Variants in TPD52L1 observed in about 807,000 individuals in gnomAD.
TPD52L1 encodes the protein tumor protein D53.
Under a neutral mutation model 28.7 loss-of-function variants are expected in TPD52L1, and 18 were observed. The ratio of observed to expected loss-of-function variants is 0.63; its 90% CI spans 0.43 to 0.93. The LOEUF (loss-of-function observed/expected upper bound fraction) is 0.93. Among genes scored for constraint, TPD52L1 ranks in the 40% least tolerant of loss-of-function variants. The pLI is 0.00. For synonymous variants in TPD52L1, 75 were observed against 88.8 expected (o/e 0.84, Z 0.88); for missense variants, 203 against 254.8 (o/e 0.80, Z 1.39).
intron 4 of TPD52L1, chr6:125,248,618 A>G (rs2115036972): frequency 4.1e-6 from 2 of 482,544 alleles, no homozygotes; most frequent in East Asian, 6.6e-5. Context: ...CTAGGACCCG[A>G]CCTGGTAAAA....
At chr6:125,249,523 T>A (rs971840776) in intron 4 of TPD52L1, among the ~76,000 whole-genome samples, 8 of 150,724 alleles carry the variant, frequency 5.3e-5, no homozygotes, top group African/African-American at 7.3e-5. Flanking sequence ...CATTAAAAAA[T>A]ATATATATAT....
At chr6:125,257,256 C>A in intron 6 of TPD52L1, 98 bp downstream of exon 6, 2 of 974,496 alleles carry the variant, frequency 2.1e-6, no homozygotes, top group Non-Finnish European at 3.2e-6. Context: ...GCCAAGAAGG[C>A]AGGCTTGCAT....
chr6:125,244,444 C>T (rs949468059), intron 3 of TPD52L1, among the ~76,000 whole-genome samples: 5 of 152,168 alleles, frequency 3.3e-5, no homozygotes, highest in African/African-American at 1.2e-4. Flanking sequence ...TGGGAGCTAC[C>T]TCAGCTCTCC....
chr6:125,234,573 A>C (rs1356076645), intron 3 of TPD52L1, among the ~76,000 whole-genome samples: 1 of 152,220 alleles, frequency 6.6e-6, no homozygotes, highest in Non-Finnish European at 1.5e-5. Flanking sequence ...TATGTAAGTC[A>C]GCAATGGTGA....
chr6:125,163,547 A>C (rs1582832928), intron 1 of TPD52L1, among the ~76,000 whole-genome samples: 1 of 150,978 alleles, frequency 6.6e-6, no homozygotes, highest in African/African-American at 2.4e-5. Context: ...GCATCATTGC[A>C]CTCTAGCCTG....
intron 5 of TPD52L1, 51 bp downstream of exon 5, chr6:125,253,806 G>A (rs533174711): frequency 6.6e-7 from 1 of 1,509,528 alleles, no homozygotes; most frequent in East Asian, 2.3e-5. Context: ...TGTGTTTAAG[G>A]TGTTATTTTA....
chr6:125,216,400 A>C (rs890438208), intron 1 of TPD52L1, among the ~76,000 whole-genome samples: 2 of 151,924 alleles, frequency 1.3e-5, no homozygotes, highest in African/African-American at 2.4e-5. Context: ...AATCATCCAT[A>C]AGACAAAATA....
intron 1 of TPD52L1, among the ~76,000 whole-genome samples, chr6:125,206,090 A>G (rs904849569): frequency 1.3e-5 from 2 of 152,248 alleles, no homozygotes; most frequent in Non-Finnish European, 2.9e-5. Flanking sequence ...TGATTAGTAC[A>G]TTCTCAGGCT....
chr6:125,251,140 A>T (rs1797241196), intron 4 of TPD52L1, among the ~76,000 whole-genome samples: 1 of 152,216 alleles, frequency 6.6e-6, no homozygotes, highest in East Asian at 1.9e-4. Flanking sequence ...ATGGGAAAAA[A>T]TAGTAAGCTT....
At chr6:125,162,941 C>T (rs570769833) in intron 1 of TPD52L1, among the ~76,000 whole-genome samples, 12 of 152,234 alleles carry the variant, frequency 7.9e-5, no homozygotes, top group Non-Finnish European at 1.2e-4. Context: ...CAGGGAACTA[C>T]GAGTCAGAAA....
intron 1 of TPD52L1, among the ~76,000 whole-genome samples, chr6:125,183,946 T>G (rs2114830878): frequency 6.6e-6 from 1 of 152,288 alleles, no homozygotes; most frequent in African/African-American, 2.4e-5. Flanking sequence ...ATTAAATTAT[T>G]ATTGTCTCAG....
chr6:125,178,648 AACAAAAC>A (rs1413391420), intron 1 of TPD52L1, among the ~76,000 whole-genome samples: 95 of 145,594 alleles, frequency 6.5e-4, no homozygotes, highest in African/African-American at 2.4e-3. Context: ...AACAAAACAA[AACAAAAC>A]AAAATATATA....
intron 3 of TPD52L1, among the ~76,000 whole-genome samples, chr6:125,243,825 CA>C (rs146423839): frequency 0.07 from 10,680 of 152,154 alleles, 403 homozygotes; most frequent in Middle Eastern, 0.1. Flanking sequence ...GGTTTGGATC[CA>C]TTCCTAGGGA....
At position 125,153,816 on chromosome 6, in the gene TPD52L1, C is replaced by A. The variant is rs1212118384; in HGVS notation, c.-136C>A. Reference sequence around the variant, plus strand: ...CTGCCTGCGTCCCCAACCCCCTCCGCGCAGCGCTCGCGACACGCGTGCCAG... The same window carrying A: ...CTGCCTGCGTCCCCAACCCCCTCCGAGCAGCGCTCGCGACACGCGTGCCAG... On this transcript the variant is annotated 5_prime_UTR_variant, in exon 1 of 7. Coordinates refer to ENST00000534000, the MANE Select transcript of TPD52L1 (RefSeq NM_003287.4). 16 of 1,032,814 alleles carry A rather than the reference C, an allele frequency of 1.5e-5. No individual in the cohort carries two copies. The highest frequency in any genetic ancestry group is 2.2e-5 in the Non-Finnish European group (16 of 743,740). 64.0% of individuals were successfully genotyped at this position (1,032,814 alleles called of 1,614,324 possible). A position where few individuals can be genotyped will look rare whatever the true frequency, so the allele number is the denominator to read the frequency against.
intron 1 of TPD52L1, among the ~76,000 whole-genome samples, chr6:125,204,470 T>C (rs1177946266): frequency 3.2e-4 from 49 of 152,114 alleles, no homozygotes; most frequent in Non-Finnish European, 1.5e-5. Context: ...CCTGGCTAGT[T>C]ATCAGATTTT....
At chr6:125,228,578 C>T (rs1021812553) in intron 2 of TPD52L1, among the ~76,000 whole-genome samples, 6 of 152,174 alleles carry the variant, frequency 3.9e-5, no homozygotes, top group African/African-American at 1.4e-4. Flanking sequence ...TGGTGGCTCA[C>T]GTCTGTAATC....
chr6:125,156,629 G>C (rs1368885744), intron 1 of TPD52L1, among the ~76,000 whole-genome samples: 3 of 152,032 alleles, frequency 2.0e-5, no homozygotes, highest in Non-Finnish European at 4.4e-5. Flanking sequence ...AATTAGCTGG[G>C]TGTGGTGGTG....
In TPD52L1 at chr6:125,190,843, G is replaced by T. The variant is rs73771269; in HGVS notation, c.20-29235G>T. Among the ~76,000 whole-genome samples the T allele has an allele frequency of 8.6e-3, 1,310 of 152,306 alleles. 23 individuals carry two copies. Among genetic ancestry groups the T allele is most frequent in the African/African-American group, 0.03 (1,249 of 41,558 alleles). ...GTAATGCAAGCAATGGGGAGCCACTGTAAATACAGATGAAGCCTTGCTGGC... is the reference window on the plus strand; with the variant it reads ...GTAATGCAAGCAATGGGGAGCCACTTTAAATACAGATGAAGCCTTGCTGGC... On this transcript the variant is annotated intron_variant, in intron 1 of 6. Transcript: ENST00000534000.
chr6:125,222,085 T>C (rs1795274723), intron 2 of TPD52L1: 1 of 152,248 alleles, frequency 6.6e-6, no homozygotes, highest in Non-Finnish European at 1.5e-5. Flanking sequence ...CTCATTCTGT[T>C]TTTAAAACAG....
Sources: gnomAD v4.1 joint callset for allele counts (sites outside exome capture counted in the v4.1 genomes callset) on GRCh38, gnomAD v4.1.1 for gene constraint, MANE v1.5 for transcripts, NCBI Gene and HGNC (gene_info 2026-07-23, HGNC 2026-07-21) for gene names.